TLN2: variants seen among roughly 807,000 people sequenced by gnomAD.
TLN2 encodes the protein talin-2.
Under a neutral mutation model 294.7 loss-of-function variants are expected in TLN2, and 118 were observed. The observed-to-expected ratio is 0.40, with a 90% confidence interval of 0.34 to 0.47. TLN2 has a LOEUF of 0.47. Among genes scored for constraint, TLN2 ranks in the 20% least tolerant of loss-of-function variants. TLN2 has a pLI of 0.84. For synonymous variants in TLN2, 1,431 were observed against 1,304.5 expected, an observed-to-expected ratio of 1.10 and a Z score of -2.09; for missense variants, 3,083 against 3,282.2, an observed-to-expected ratio of 0.94 and a Z score of 1.48.
intron 3 of TLN2, among the ~76,000 whole-genome samples, chr15:62,620,854 T>TTC (rs1201553533): frequency 8.4e-5 from 12 of 143,494 alleles, no homozygotes; most frequent in Non-Finnish European, 1.5e-4. Flanking sequence ...TTTTTTTTTT[T>TTC]TTTTCTGAGA....
In TLN2 at chr15:62,578,803, G is replaced by C. The variant is rs1229502114; in HGVS notation, c.-237-10884G>C. 5.3e-5 allele frequency among the ~76,000 whole-genome samples: 8 copies of C among 152,166 alleles called. No individual in the cohort carries two copies. The East Asian group carries it at 1.5e-3, about 29-fold the overall frequency. The stretch of plus-strand genomic sequence containing the variant: ...GCCCTGGCATCGGCCTTTTACAGGG[G>C]AGCAGAGTGAGGCATGGAGGACTTA... On this transcript the variant is annotated intron_variant, in intron 1 of 58. Transcript: ENST00000636159.
chr15:62,590,558 A>T (rs1451147458), intron 2 of TLN2, among the ~76,000 whole-genome samples: 2 of 152,210 alleles, frequency 1.3e-5, no homozygotes, highest in Non-Finnish European at 1.5e-5. Context: ...TTCTTTATCT[A>T]GTCTGTCATT....
chr15:62,657,930 T>C, intron 9 of TLN2, 32 bp downstream of exon 9: 1 of 1,595,986 alleles, frequency 6.3e-7, no homozygotes, highest in Middle Eastern at 1.7e-4. Flanking sequence ...TTTTTTCTCT[T>C]TTCTCCTGTC....
chr15:62,587,590 TCTGTGG>T (rs1440206311), intron 1 of TLN2, among the ~76,000 whole-genome samples: 1 of 152,208 alleles, frequency 6.6e-6, no homozygotes, highest in African/African-American at 2.4e-5. Flanking sequence ...ATGTCTCATA[TCTGTGG>T]GCCTTTAGGG....
intron 1 of TLN2, among the ~76,000 whole-genome samples, chr15:62,511,568 G>A (rs2039938781): frequency 6.6e-6 from 1 of 152,172 alleles, no homozygotes; most frequent in Non-Finnish European, 1.5e-5. Flanking sequence ...CCTACCTGCT[G>A]TAGGCCCTGG....
At chr15:62,657,996 T>C in intron 9 of TLN2, 98 bp downstream of exon 9, 1 of 1,171,862 alleles carries the variant, frequency 8.5e-7, no homozygotes, top group Admixed American at 2.6e-5. Context: ...CATACCCTAA[T>C]TTCAATCATT....
intron 47 of TLN2, 33 bp from the exon 48 acceptor site, chr15:62,797,186 T>TC: frequency 6.2e-7 from 1 of 1,611,758 alleles, no homozygotes; most frequent in Non-Finnish European, 8.5e-7. Flanking sequence ...CCTCTGTCTC[T>TC]CCCCCTCTCC....
chr15:62,546,793 A>G (rs2042017841), intron 1 of TLN2, among the ~76,000 whole-genome samples: 1 of 152,224 alleles, frequency 6.6e-6, no homozygotes, highest in South Asian at 2.1e-4. Flanking sequence ...GGCTTACAAT[A>G]AAGCTCAACC....
At chr15:62,471,968 T>A (rs1250238393) in intron 1 of TLN2, among the ~76,000 whole-genome samples, 1 of 152,152 alleles carries the variant, frequency 6.6e-6, no homozygotes, top group East Asian at 1.9e-4. Context: ...CCTCCTTTCT[T>A]CCTTCTCCCC....
intron 29 of TLN2, among the ~76,000 whole-genome samples, chr15:62,737,466 C>G (rs1452677456): frequency 1.3e-5 from 2 of 152,134 alleles, no homozygotes; most frequent in African/African-American, 4.8e-5. Flanking sequence ...AGTTTTCAAC[C>G]CTGGCGCTCT....
At chr15:62,656,152 T>C (rs1037710608) in intron 8 of TLN2, 66 bp downstream of exon 8, 3 of 1,589,556 alleles carry the variant, frequency 1.9e-6, no homozygotes, top group East Asian at 4.5e-5. Flanking sequence ...CTGTATCTTG[T>C]GGCGAGCAGG....
chr15:62,651,573 C>T (rs1015122289), intron 5 of TLN2, among the ~76,000 whole-genome samples: 1 of 152,022 alleles, frequency 6.6e-6, no homozygotes, highest in African/African-American at 2.4e-5. Flanking sequence ...TCAAAACAAA[C>T]AAGAAATAAC....
intron 55 of TLN2, chr15:62,834,112 C>G (rs1596191983): frequency 6.6e-6 from 1 of 152,624 alleles, no homozygotes; most frequent in East Asian, 1.9e-4. Context: ...GATTTTAAAT[C>G]TGAAATTTCT....
At chr15:62,815,096 A>C (rs1193712026) in intron 52 of TLN2, among the ~76,000 whole-genome samples, 4 of 152,126 alleles carry the variant, frequency 2.6e-5, no homozygotes, top group Non-Finnish European at 4.4e-5. Flanking sequence ...GAAGAAAAGA[A>C]TATCTACTAA....
intron 42 of TLN2, among the ~76,000 whole-genome samples, chr15:62,771,439 A>G (rs997896690): frequency 5.3e-5 from 8 of 152,224 alleles, no homozygotes; most frequent in Non-Finnish European, 2.9e-5. Flanking sequence ...CCTGCTCAGC[A>G]CTGACACCCA....
chr15:62,708,126 T>C (rs1046005386), intron 20 of TLN2, among the ~76,000 whole-genome samples: 4 of 152,106 alleles, frequency 2.6e-5, no homozygotes, highest in Admixed American at 1.3e-4. Flanking sequence ...TAGAATTCTT[T>C]TAGGTAGTCT....
chr15:62,628,658 A>G (rs892293091), intron 3 of TLN2, among the ~76,000 whole-genome samples: 1 of 152,214 alleles, frequency 6.6e-6, no homozygotes, highest in African/African-American at 2.4e-5. Flanking sequence ...TGGAAAGACA[A>G]TCCAGTTAAT....
At chr15:62,526,012 G>A (rs1027102734) in intron 1 of TLN2, among the ~76,000 whole-genome samples, 6 of 152,168 alleles carry the variant, frequency 3.9e-5, no homozygotes, top group African/African-American at 1.4e-4. Context: ...GGCAGGAAGG[G>A]TGGCTTGGAG....
At chr15:62,397,258 T>G (rs1242975835) in intron 1 of TLN2, among the ~76,000 whole-genome samples, 1 of 152,174 alleles carries the variant, frequency 6.6e-6, no homozygotes, top group African/African-American at 2.4e-5. Flanking sequence ...TTTTTATTTT[T>G]TATCTGAATA....
Sources: allele counts gnomAD v4.1 joint callset (sites outside exome capture counted in the v4.1 genomes callset), GRCh38; gene constraint gnomAD v4.1.1; transcripts MANE v1.5; gene names NCBI Gene and HGNC (gene_info 2026-07-23, HGNC 2026-07-21).